Variants in AKAP6 observed in about 807,000 individuals in gnomAD.
AKAP6 encodes the protein A-kinase anchor protein 6.
In AKAP6, 58 loss-of-function variants were observed where a neutral mutation model predicts 188.5. That is an observed-to-expected ratio of 0.31 (90% CI 0.25 to 0.38). The LOEUF is 0.38. Among genes scored for constraint, AKAP6 ranks in the 10% least tolerant of loss-of-function variants. The pLI is 1.00. For missense variants in AKAP6, 2,710 were observed against 2,740.0 expected (o/e 0.99, Z 0.24); for synonymous variants, 989 against 998.6 (o/e 0.99, Z 0.18).
intron 10 of AKAP6, among the ~76,000 whole-genome samples, chr14:32,735,418 G>C (rs997271329): frequency 6.6e-6 from 1 of 151,960 alleles, no homozygotes; most frequent in Non-Finnish European, 1.5e-5. Flanking sequence ...GTATCCGCTG[G>C]TACTCAGAAC....
chr14:32,340,359 A>G (rs976443970), intron 1 of AKAP6, among the ~76,000 whole-genome samples: 1 of 152,206 alleles, frequency 6.6e-6, no homozygotes, highest in Non-Finnish European at 1.5e-5. Context: ...CTGTGTTCAA[A>G]TAGCATGTTA....
At chr14:32,706,482 A>G (rs914370342) in intron 9 of AKAP6, among the ~76,000 whole-genome samples, 15 of 152,024 alleles carry the variant, frequency 9.9e-5, no homozygotes, top group African/African-American at 3.6e-4. Flanking sequence ...TAAAGGCAGC[A>G]TTGCCCTCAG....
chr14:32,377,650 C>G (rs1888202165), intron 1 of AKAP6, among the ~76,000 whole-genome samples: 1 of 152,196 alleles, frequency 6.6e-6, no homozygotes, highest in Non-Finnish European at 1.5e-5. Flanking sequence ...ACACAGACAT[C>G]AGCCACACCT....
chr14:32,578,687 T>C (rs887520221), intron 5 of AKAP6, among the ~76,000 whole-genome samples: 6 of 152,206 alleles, frequency 3.9e-5, no homozygotes, highest in Admixed American at 3.9e-4. Flanking sequence ...CTGTCTTACT[T>C]TCTCTTGACT....
rs1890191307 is a variant in AKAP6 at position 32,691,822 on chromosome 14, G to A, written c.2880-4168G>A. On this transcript the variant is annotated intron_variant, in intron 8 of 13. Transcript: ENST00000280979. ...GATCTATCTGCCTGGGCCTCCCAAA[G>A]TGCTGGGATTACAGGTGTGAGCCAC... Among the ~76,000 whole-genome samples, 3 of 152,100 alleles carry A rather than the reference G, an allele frequency of 2.0e-5. No homozygotes were observed. In the South Asian group the frequency reaches 6.2e-4, roughly 32 times the overall value.
chr14:32,653,881 C>T (rs1260978752), intron 7 of AKAP6, among the ~76,000 whole-genome samples: 3 of 152,048 alleles, frequency 2.0e-5, no homozygotes, highest in Non-Finnish European at 2.9e-5. Flanking sequence ...TAATTGATTT[C>T]CATCATTTCA....
chr14:32,541,900 T>C (rs1170143966), intron 3 of AKAP6, among the ~76,000 whole-genome samples: 1 of 152,204 alleles, frequency 6.6e-6, no homozygotes. Context: ...ATTTAGGTGA[T>C]TTTTGTTGAG....
chr14:32,808,353 G>A lies in AKAP6; in HGVS notation c.3589-13049G>A, dbSNP rs2034141677. 2.0e-5 allele frequency among the ~76,000 whole-genome samples: 3 copies of A among 152,248 alleles called. No homozygotes were observed. The South Asian group carries it at 6.2e-4, about 32-fold the overall frequency. On this transcript the variant is annotated intron_variant, in intron 12 of 13. Coordinates refer to ENST00000280979, the MANE Select transcript of AKAP6 (RefSeq NM_004274.5). Reference sequence around the variant, plus strand: ...CTATTTCCTGATGGAACTTTTATGGGCCCGTATTGCCTACTCCACCTCCTA... The same window carrying A: ...CTATTTCCTGATGGAACTTTTATGGACCCGTATTGCCTACTCCACCTCCTA...
At chr14:32,705,966 G>A (rs1234349932) in intron 9 of AKAP6, among the ~76,000 whole-genome samples, 1 of 152,020 alleles carries the variant, frequency 6.6e-6, no homozygotes, top group Non-Finnish European at 1.5e-5. Context: ...AAATTTTTTG[G>A]CCAGAACTAA....
At chr14:32,593,300 A>G (rs1319120613) in intron 5 of AKAP6, among the ~76,000 whole-genome samples, 1 of 152,100 alleles carries the variant, frequency 6.6e-6, no homozygotes, top group African/African-American at 2.4e-5. Flanking sequence ...GGGTTTGTTG[A>G]TTGATTGGAT....
At chr14:32,805,363 A>G (rs1274042431) in intron 12 of AKAP6, among the ~76,000 whole-genome samples, 1 of 152,224 alleles carries the variant, frequency 6.6e-6, no homozygotes, top group Non-Finnish European at 1.5e-5. Context: ...TTGCCCAGCC[A>G]TGTACCATGA....
At chr14:32,610,745 T>A (rs1192156306) in intron 7 of AKAP6, among the ~76,000 whole-genome samples, 1 of 152,138 alleles carries the variant, frequency 6.6e-6, no homozygotes, top group Non-Finnish European at 1.5e-5. Context: ...GTCAAAAGTA[T>A]GGAAAAGGGA....
intron 7 of AKAP6, among the ~76,000 whole-genome samples, chr14:32,673,899 A>G (rs9322907): frequency 0.31 from 46,591 of 152,034 alleles, 8,476 homozygotes; most frequent in East Asian, 0.58. Context: ...CTAGAAAAAG[A>G]GACAGAAAAA....
chr14:32,465,798 T>C (rs1878384225), intron 2 of AKAP6, among the ~76,000 whole-genome samples: 1 of 152,158 alleles, frequency 6.6e-6, no homozygotes, highest in African/African-American at 2.4e-5. Flanking sequence ...ACAGGCGACC[T>C]AAGAATGGGA....
intron 2 of AKAP6, among the ~76,000 whole-genome samples, chr14:32,510,436 G>GTATATATATACATATA (rs1555335161): frequency 3.3e-5 from 1 of 30,218 alleles, no homozygotes; most frequent in Non-Finnish European, 6.8e-5. Flanking sequence ...ATATATATAT[G>GTATATATATACATATA]TGTATATATA....
chr14:32,432,704 A>T (rs542209934), intron 1 of AKAP6, among the ~76,000 whole-genome samples: 1 of 152,274 alleles, frequency 6.6e-6, no homozygotes, highest in South Asian at 2.1e-4. Context: ...ACATCTTCCC[A>T]CGTAGCTGTC....
chr14:32,496,965 T>A (rs1173135989), intron 2 of AKAP6, among the ~76,000 whole-genome samples: 1 of 152,198 alleles, frequency 6.6e-6, no homozygotes, highest in Non-Finnish European at 1.5e-5. Context: ...CTTTTAATTC[T>A]TAACTTCTTT....
chr14:32,743,873 G>GT (rs1242276744), intron 11 of AKAP6, among the ~76,000 whole-genome samples: 2 of 152,154 alleles, frequency 1.3e-5, no homozygotes, highest in Non-Finnish European at 1.5e-5. Flanking sequence ...AAACCAGTGA[G>GT]TTTTTTACCT....
At chr14:32,390,885 A>C (rs1231090887) in intron 1 of AKAP6, among the ~76,000 whole-genome samples, 2 of 152,114 alleles carry the variant, frequency 1.3e-5, no homozygotes, top group Non-Finnish European at 2.9e-5. Context: ...TGTCCATCCA[A>C]GTCAGAGCTG....
Sources: allele counts gnomAD v4.1 joint callset (sites outside exome capture counted in the v4.1 genomes callset), GRCh38; gene constraint gnomAD v4.1.1; transcripts MANE v1.5; gene names NCBI Gene and HGNC (gene_info 2026-07-23, HGNC 2026-07-21).